Variants in DDX23 observed in about 807,000 individuals in gnomAD.
The protein encoded by DDX23 is DEAD-box helicase 23.
DDX23 carries 33 observed loss-of-function variants against 102.7 expected under a neutral mutation model. The ratio of observed to expected loss-of-function variants is 0.32; its 90% CI spans 0.24 to 0.43. DDX23 has a LOEUF of 0.43. DDX23 is among the 20% of genes least tolerant of loss of function. The pLI is 1.00. For missense variants in DDX23, 549 were observed against 1,086.6 expected, an observed-to-expected ratio of 0.51 and a Z score of 6.96; for synonymous variants, 352 against 376.0, an observed-to-expected ratio of 0.94 and a Z score of 0.74.
intron 1 of DDX23, 111 bp from the exon 2 acceptor site, chr12:48,845,893 C>A (rs1448797438): frequency 1.7e-6 from 2 of 1,193,928 alleles, no homozygotes; most frequent in Admixed American, 2.1e-5. Context: ...ATTAGTATGT[C>A]TACCGTACAG....
intron 12 of DDX23, 31 bp downstream of exon 12, chr12:48,834,289 A>T: frequency 1.3e-6 from 2 of 1,586,336 alleles, no homozygotes; most frequent in Non-Finnish European, 1.7e-6. Context: ...CTTCCCAGAC[A>T]GCAGGCTGGC....
rs1271174769 is a variant in DDX23 at position 48,837,364 on chromosome 12, C to T, written c.783G>A (p.Arg261=). The T allele has an allele frequency of 1.9e-6, 3 of 1,614,078 alleles. No homozygotes were observed. The African/African-American group carries it at 4.0e-5, about 22-fold the overall frequency. ...KERYLGGIKK[R]RRTRHLNDRK... is the part of the protein sequence containing the mutation. ...GGTCATTGAGATGTCTCGTTCGGCG[C>T]CGCTTTTTGATGCCACCCAGGTAAC... Residue 261 remains arginine (R), a synonymous_variant, in exon 8 of 17, where the codon CGG becomes CGA. Transcript: ENST00000308025.
intron 3 of DDX23, among the ~76,000 whole-genome samples, chr12:48,840,328 T>C (rs943711142): frequency 6.6e-6 from 1 of 152,148 alleles, no homozygotes; most frequent in Non-Finnish European, 1.5e-5. Flanking sequence ...AAATCTCCTT[T>C]TGAGACTAAT....
rs1938402077 is a variant in DDX23, at chr12:48,832,318, T to C, written c.1955+104A>G. The C allele has an allele frequency of 6.4e-7, 1 of 1,560,982 alleles. No homozygotes were observed. Among genetic ancestry groups the C allele is most frequent in the African/African-American group, 1.4e-5 (1 of 73,880 alleles). ...ATTCTGCCCAAGAAAACAGCAGCTC[T>C]TCAACACAGCAGAGCAATTGCCCTG... On this transcript the variant is annotated intron_variant, in intron 14 of 16. Coordinates refer to ENST00000308025, the MANE Select transcript of DDX23 (RefSeq NM_004818.3). This position sits in a 1 kb window ranked among gnomAD's most constrained non-coding sequence, Gnocchi z 4.4.
At position 48,846,829 on chromosome 12, in the gene DDX23, TTC is replaced by T. The variant is rs372672834; in HGVS notation, c.1-1049_1-1048del. 1.0e-3 allele frequency among the ~76,000 whole-genome samples: 152 copies of T among 152,306 alleles called. 1 individual carries two copies. Among genetic ancestry groups the T allele is most frequent in the African/African-American group, 3.3e-3 (138 of 41,556 alleles). ...TGTGAAAGGTTTCAGCAGGAATTTTTTCTGTCTCCCTCCTACCTGGGAGACAC... is the reference window on the plus strand; with the variant it reads ...TGTGAAAGGTTTCAGCAGGAATTTTTTGTCTCCCTCCTACCTGGGAGACAC... On this transcript the variant is annotated intron_variant, in intron 1 of 16. Coordinates refer to ENST00000308025, the MANE Select transcript of DDX23 (RefSeq NM_004818.3).
intron 3 of DDX23, among the ~76,000 whole-genome samples, chr12:48,842,053 G>A (rs1938562560): frequency 6.6e-6 from 1 of 151,558 alleles, no homozygotes; most frequent in Non-Finnish European, 1.5e-5. Flanking sequence ...GAGAAGTGAG[G>A]AGCCCCTCCG....
chr12:48,839,732 C>T, intron 5 of DDX23, 112 bp downstream of exon 5: 4 of 1,113,186 alleles, frequency 3.6e-6, no homozygotes, highest in Non-Finnish European at 5.2e-6. Context: ...CGCTCTCAGA[C>T]TTCCAGCCTC....
chr12:48,848,057 G>A (rs1219400719), intron 1 of DDX23, among the ~76,000 whole-genome samples: 2 of 152,096 alleles, frequency 1.3e-5, no homozygotes, highest in Admixed American at 6.5e-5. Context: ...AGGCTGAGGC[G>A]GGCAGATCAA....
chr12:48,842,979 T>A (rs1938594654), intron 3 of DDX23, among the ~76,000 whole-genome samples: 1 of 150,430 alleles, frequency 6.6e-6, no homozygotes, highest in South Asian at 2.1e-4. Flanking sequence ...CTTGGGATCC[T>A]GTTGATCTGT....
At chr12:48,848,222 C>G (rs1415743526) in intron 1 of DDX23, among the ~76,000 whole-genome samples, 3 of 151,484 alleles carry the variant, frequency 2.0e-5, no homozygotes, top group African/African-American at 7.3e-5. Context: ...GGAGGCAGAG[C>G]TTGCAGTGAG....
intron 8 of DDX23, 65 bp from the exon 9 acceptor site, chr12:48,837,102 G>A: frequency 6.2e-7 from 1 of 1,604,406 alleles, no homozygotes; most frequent in South Asian, 1.1e-5. Context: ...AGGAAGGGCA[G>A]ACTACTAGTA....
At chr12:48,831,807 A>G in intron 15 of DDX23, 1 of 531,952 alleles carries the variant, frequency 1.9e-6, no homozygotes, top group Admixed American at 3.4e-5. Flanking sequence ...GACTGCCAGG[A>G]TATGGGTCTC....
At chr12:48,831,487 GAA>G (rs2137480114) in intron 15 of DDX23, among the ~76,000 whole-genome samples, 171 bp from the exon 16 acceptor site, 1 of 152,352 alleles carries the variant, frequency 6.6e-6, no homozygotes, top group East Asian at 1.9e-4. Flanking sequence ...CAAGTGAGCT[GAA>G]GAGAGGGATG....
rs1258825927 is a variant in DDX23, at chr12:48,836,327, C to A, written c.1237-61G>T. On this transcript the variant is annotated intron_variant, in intron 10 of 16. Transcript: ENST00000308025. The surrounding 1 kb of genome is among the most constrained non-coding windows in gnomAD (Gnocchi z 6.1). ...GAGAGTTATACCACCTGGGCAACCA[C>A]TGATAGTAGTAAGCACATCTGCTAG... The A allele has an allele frequency of 1.9e-6, 3 of 1,573,922 alleles. No homozygotes were observed. Among genetic ancestry groups the A allele is most frequent in the Non-Finnish European group, 2.6e-6 (3 of 1,145,502 alleles).
chr12:48,837,373 G>A lies in DDX23; in HGVS notation c.774C>T (p.Ile258=). ...GATGTCTCGTTCGGCGCCGCTTTTT[G>A]ATGCCACCCAGGTAACGCTCCTACC... ...HAIKERYLGG[I]KKRRRTRHLN... The change falls in exon 8 of 17, where the codon ATC becomes ATT. Residue 258 remains isoleucine (I), a synonymous_variant. Coordinates refer to ENST00000308025, the MANE Select transcript of DDX23 (RefSeq NM_004818.3). 6.2e-7 allele frequency: 1 copy of A among 1,614,196 alleles called. No individual in the cohort carries two copies. The highest frequency in any genetic ancestry group is 1.3e-5 in the African/African-American group (1 of 75,036).
At position 48,836,108 on chromosome 12, in the gene DDX23, T is replaced by C; in HGVS notation, c.1382+13A>G. 1.9e-6 allele frequency: 3 copies of C among 1,612,084 alleles called. No individual in the cohort carries two copies. Among genetic ancestry groups the C allele is most frequent in the Non-Finnish European group, 2.5e-6 (3 of 1,179,494 alleles). On this transcript the variant is annotated intron_variant, in intron 11 of 16. Coordinates refer to ENST00000308025, the MANE Select transcript of DDX23 (RefSeq NM_004818.3). The surrounding 1 kb of genome is among the most constrained non-coding windows in gnomAD (Gnocchi z 6.1). ...CAGACAAACCCACTCCAGCTGGTGC[T>C]AGCTGACCTCACCTGTCAATTTTGG...
chr12:48,846,404 A>C (rs1333446298), intron 1 of DDX23, among the ~76,000 whole-genome samples: 2 of 152,184 alleles, frequency 1.3e-5, no homozygotes, highest in Admixed American at 1.3e-4. Flanking sequence ...TATATTGCTT[A>C]CTTTGAAGTT....
At chr12:48,844,113 C>T in intron 2 of DDX23, 63 bp from the exon 3 acceptor site, 2 of 1,495,434 alleles carry the variant, frequency 1.3e-6, no homozygotes, top group Non-Finnish European at 1.9e-6. Context: ...TCACTGCAGC[C>T]CTGAGAAAGT....
chr12:48,846,449 A>ACT (rs1938669157), intron 1 of DDX23, among the ~76,000 whole-genome samples: 4 of 152,316 alleles, frequency 2.6e-5, no homozygotes, highest in Admixed American at 2.6e-4. Context: ...ATCAGTTAGC[A>ACT]CTCATACGTC....
Sources: allele counts gnomAD v4.1 joint callset (sites outside exome capture counted in the v4.1 genomes callset), GRCh38; gene constraint gnomAD v4.1.1; non-coding constraint Gnocchi (gnomAD v3.1); transcripts MANE v1.5; gene names NCBI Gene and HGNC (gene_info 2026-07-23, HGNC 2026-07-21).